ELMOD1: variants seen among roughly 807,000 people sequenced by gnomAD.
ELMOD1 encodes ELMO domain containing 1.
A neutral mutation model predicts 46.7 loss-of-function variants in ELMOD1; 21 were observed. The observed-to-expected ratio is 0.45, with a 90% CI of 0.32 to 0.65. The LOEUF (loss-of-function observed/expected upper bound fraction) is 0.65. Ranked by LOEUF, ELMOD1 falls within the 30% of genes least tolerant of loss-of-function variation. The pLI is 0.04. For synonymous variants in ELMOD1, 122 were observed against 138.2 expected, an observed-to-expected ratio of 0.88 and a Z score of 0.82; for missense variants, 348 against 407.8, an observed-to-expected ratio of 0.85 and a Z score of 1.26.
intron 1 of ELMOD1, among the ~76,000 whole-genome samples, chr11:107,609,586 G>A (rs1865742365): frequency 1.3e-5 from 2 of 152,192 alleles, no homozygotes; most frequent in African/African-American, 2.4e-5. Flanking sequence ...ACTTTACAAA[G>A]AGCCTCAGGG....
At chr11:107,624,588 G>C (rs1247932101) in intron 2 of ELMOD1, among the ~76,000 whole-genome samples, 1 of 152,110 alleles carries the variant, frequency 6.6e-6, no homozygotes, top group East Asian at 1.9e-4. Flanking sequence ...AGAGGTCGAG[G>C]CTGCTTCAGC....
chr11:107,656,369 C>T (rs1235256759), intron 11 of ELMOD1, among the ~76,000 whole-genome samples: 6 of 150,080 alleles, frequency 4.0e-5, no homozygotes, highest in African/African-American at 1.2e-4. Flanking sequence ...GCCTGGACAA[C>T]AGAGTGAGAC....
intron 9 of ELMOD1, 107 bp from the exon 10 acceptor site, chr11:107,654,065 C>A (rs939117750): frequency 9.1e-6 from 8 of 881,822 alleles, no homozygotes; most frequent in Non-Finnish European, 1.4e-5. Context: ...AATTGAGCTA[C>A]AGACATCTCT....
intron 2 of ELMOD1, among the ~76,000 whole-genome samples, chr11:107,622,009 A>T (rs887813955): frequency 3.9e-5 from 6 of 152,196 alleles, no homozygotes; most frequent in Non-Finnish European, 7.3e-5. Context: ...CCTAGGTGAC[A>T]AGAGCAAAAC....
chr11:107,608,955 A>G (rs1194288197), intron 1 of ELMOD1, among the ~76,000 whole-genome samples: 1 of 152,226 alleles, frequency 6.6e-6, no homozygotes, highest in Non-Finnish European at 1.5e-5. Context: ...GAGGGAGCAC[A>G]GGAAAGTGAT....
chr11:107,604,498 G>A lies in ELMOD1; in HGVS notation c.-86+13089G>A, dbSNP rs190604550. On this transcript the variant is annotated intron_variant, in intron 1 of 11. Coordinates refer to ENST00000265840, the MANE Select transcript of ELMOD1 (RefSeq NM_018712.4). ...AAGCATCACAGCCCGGAATTTGGAA[G>A]TAAGTAGGCTTCAGTCTTGCTATGT... is the stretch of plus-strand genomic sequence containing the variant. Among the ~76,000 whole-genome samples, 363 of 152,292 alleles carry A rather than the reference G, an allele frequency of 2.4e-3. 1 individual carries two copies. Among genetic ancestry groups the A allele is most frequent in the African/African-American group, 8.4e-3 (350 of 41,554 alleles).
intron 2 of ELMOD1, chr11:107,620,423 G>A (rs1357952582): frequency 6.6e-6 from 1 of 152,190 alleles, no homozygotes; most frequent in Non-Finnish European, 1.5e-5. Flanking sequence ...AATATTCAAT[G>A]TATGTCAAAA....
chr11:107,598,908 T>G (rs376846338), intron 1 of ELMOD1, among the ~76,000 whole-genome samples: 1 of 152,358 alleles, frequency 6.6e-6, no homozygotes, highest in East Asian at 1.9e-4. Context: ...AGAGCTAGAT[T>G]CTGTTTCTTG....
chr11:107,591,915 A>G (rs1865403493), intron 1 of ELMOD1: 1 of 502,178 alleles, frequency 2.0e-6, no homozygotes, highest in Non-Finnish European at 4.1e-6. Context: ...AGCTGGGAGG[A>G]GCGGTCGGCT....
chr11:107,625,181 A>G (rs1866020140), intron 2 of ELMOD1, among the ~76,000 whole-genome samples: 1 of 152,168 alleles, frequency 6.6e-6, no homozygotes, highest in Non-Finnish European at 1.5e-5. Context: ...CAAAGTACCT[A>G]TTGATAAGTT....
chr11:107,593,321 T>G (rs1434366991), intron 1 of ELMOD1: 6 of 152,230 alleles, frequency 3.9e-5, no homozygotes, highest in African/African-American at 1.4e-4. Flanking sequence ...AACTGAGGCA[T>G]GATAATAACT....
chr11:107,609,662 G>A (rs1206422370), intron 1 of ELMOD1, among the ~76,000 whole-genome samples: 1 of 152,188 alleles, frequency 6.6e-6, no homozygotes, highest in East Asian at 1.9e-4. Context: ...GTTTTCAGAA[G>A]TAGCAGACCA....
At chr11:107,592,327 AC>A (rs1285220155) in intron 1 of ELMOD1, 1 of 533,148 alleles carries the variant, frequency 1.9e-6, no homozygotes, top group East Asian at 5.5e-5. Context: ...CTAGGAAAAT[AC>A]GCTGCTAACC....
chr11:107,635,516 G>A (rs567117580), intron 5 of ELMOD1, 120 bp from the exon 6 acceptor site: 1 of 986,996 alleles, frequency 1.0e-6, no homozygotes, highest in Non-Finnish European at 1.5e-6. Context: ...TCATCTTTGA[G>A]CAATTTCCTG....
At chr11:107,631,731 G>T in intron 5 of ELMOD1, 54 bp downstream of exon 5, 1 of 960,142 alleles carries the variant, frequency 1.0e-6, no homozygotes, top group Non-Finnish European at 1.5e-6. Context: ...CATGGCCACA[G>T]GTTTAGTGTT....
chr11:107,603,762 C>T (rs2135655731), intron 1 of ELMOD1, among the ~76,000 whole-genome samples: 1 of 152,032 alleles, frequency 6.6e-6, no homozygotes, highest in African/African-American at 2.4e-5. Context: ...CTCGTGATCC[C>T]AGCTACTCGG....
chr11:107,665,143 A>G lies in ELMOD1; in HGVS notation c.951A>G (p.Pro317=). The change falls in exon 12 of 12, where the codon CCA becomes CCG. Residue 317 remains proline, a synonymous_variant. Coordinates refer to ENST00000265840, the MANE Select transcript of ELMOD1 (RefSeq NM_018712.4). The part of the protein sequence containing the change: ...RKRIIKQLQN[P]DMALCPHFAA... ...GGATCATCAAACAGCTGCAGAACCC[A>G]GACATGGCGCTGTGCCCACATTTTG... 5 of 1,614,022 alleles carry G rather than the reference A, an allele frequency of 3.1e-6. No individual in the cohort carries two copies. Among genetic ancestry groups the G allele is most frequent in the Non-Finnish European group, 3.4e-6 (4 of 1,179,884 alleles).
intron 9 of ELMOD1, 200 bp from the exon 10 acceptor site, chr11:107,653,972 G>A: frequency 1.7e-6 from 1 of 573,704 alleles, no homozygotes; most frequent in South Asian, 2.3e-5. Flanking sequence ...TACTAAAGTG[G>A]ATAGGAGGTA....
Position 107,608,686 on chromosome 11 carries a change from C to T in ELMOD1, c.-85-9419C>T, listed in dbSNP as rs920436636. ...TTTTCGCTCCATTGTATAATTTCTTCCCATAAAATTTTCTGGTTTAGAAAC... is the reference window on the plus strand; with the variant it reads ...TTTTCGCTCCATTGTATAATTTCTTTCCATAAAATTTTCTGGTTTAGAAAC... On this transcript the variant is annotated intron_variant, in intron 1 of 11. Transcript: ENST00000265840. 2.0e-5 allele frequency among the ~76,000 whole-genome samples: 3 copies of T among 152,090 alleles called. No individual in the cohort carries two copies. The East Asian group carries it at 5.8e-4, about 29-fold the overall frequency.
Sources: allele counts gnomAD v4.1 joint callset (sites outside exome capture counted in the v4.1 genomes callset), GRCh38; gene constraint gnomAD v4.1.1; transcripts MANE v1.5; gene names NCBI Gene and HGNC (gene_info 2026-07-23, HGNC 2026-07-21).